The following SHROOM2 variants were observed in gnomAD, a reference collection of about 807,000 sequenced individuals.
The protein encoded by SHROOM2 is shroom family member 2.
A neutral mutation model predicts 75.9 loss-of-function variants in SHROOM2; 33 were observed. The observed-to-expected ratio is 0.43, with a 90% confidence interval of 0.33 to 0.58. The LOEUF (loss-of-function observed/expected upper bound fraction) is 0.58, where lower values mean the gene tolerates loss of function less well. SHROOM2 is among the 20% of genes least tolerant of loss of function. SHROOM2 has a pLI of 0.04. For synonymous variants in SHROOM2, 655 were observed against 663.6 expected, an observed-to-expected ratio of 0.99 and a Z score of 0.20; for missense variants, 1,434 against 1,461.2, an observed-to-expected ratio of 0.98 and a Z score of 0.30.
chrX:9,872,294 G>A (rs1013062199), intron 1 of SHROOM2, among the ~76,000 whole-genome samples: 7 of 113,123 alleles, frequency 6.2e-5, no homozygotes, highest in Non-Finnish European at 1.3e-4. Flanking sequence ...GCCGCGCACG[G>A]TGGCTCACGC....
At chrX:9,839,261 G>GA (rs2083966973) in intron 1 of SHROOM2, among the ~76,000 whole-genome samples, 1 of 110,952 alleles carries the variant, frequency 9.0e-6, no homozygotes, top group Non-Finnish European at 1.9e-5. Flanking sequence ...TCATAGCAAC[G>GA]AGGCAGCAGG....
chrX:9,803,981 G>T, intron 1 of SHROOM2, among the ~76,000 whole-genome samples: 1 of 111,423 alleles, frequency 9.0e-6, no homozygotes. Context: ...CATTTTAACG[G>T]TCCTAATCTG....
chrX:9,918,910 A>G (rs1490483898), intron 5 of SHROOM2, among the ~76,000 whole-genome samples: 1 of 111,551 alleles, frequency 9.0e-6, no homozygotes, highest in Non-Finnish European at 1.9e-5. Context: ...CAACTTATGG[A>G]TTTGGGAGGC....
At chrX:9,835,921 G>T (rs997342899) in intron 1 of SHROOM2, among the ~76,000 whole-genome samples, 5 of 111,966 alleles carry the variant, frequency 4.5e-5, no homozygotes, top group African/African-American at 1.6e-4. Context: ...GAACACAGAG[G>T]TTCCCTGAAG....
At chrX:9,946,425 G>A (rs1416793402) in intron 9 of SHROOM2, among the ~76,000 whole-genome samples, 1 of 112,859 alleles carries the variant, frequency 8.9e-6, no homozygotes, top group Non-Finnish European at 1.9e-5. Context: ...GACAGCAAGA[G>A]GAAACCCAGA....
intron 2 of SHROOM2, among the ~76,000 whole-genome samples, chrX:9,876,434 G>A (rs1052787194): frequency 5.4e-5 from 6 of 111,936 alleles, no homozygotes; most frequent in Admixed American, 3.8e-4. Flanking sequence ...GCCAGAACAC[G>A]TATTCTTCTC....
chrX:9,895,543 C>T lies in SHROOM2; in HGVS notation c.1635C>T (p.Cys545=), dbSNP rs1251474702. ...CGCTGGACAAAGGGGCCGAGGGCTG[C>T]TCCGCGGGAGCCCAGGAGCCTCCCA... ...CYPLDKGAEG[C]SAGAQEPPRA... The change falls in exon 4 of 10, where the codon TGC becomes TGT. Residue 545 remains cysteine (C), a synonymous_variant. Coordinates refer to ENST00000380913, the MANE Select transcript of SHROOM2 (RefSeq NM_001649.4). 8.4e-7 allele frequency: 1 copy of T among 1,183,953 alleles called. No homozygotes were observed.
chrX:9,814,895 G>C lies in SHROOM2; in HGVS notation c.165+28185G>C, dbSNP rs553393477. Among the ~76,000 whole-genome samples, 65 of 111,572 alleles carry C rather than the reference G, an allele frequency of 5.8e-4. No individual in the cohort carries two copies. In the South Asian group the frequency reaches 0.02, roughly 34 times the overall value. On this transcript the variant is annotated intron_variant, in intron 1 of 9. Coordinates refer to ENST00000380913, the MANE Select transcript of SHROOM2 (RefSeq NM_001649.4). The stretch of plus-strand genomic sequence containing the variant: ...TGCATGCATCTTTCATTGAAGGTCA[G>C]CCCCTCGCATGATAAGAGCATGTGT...
intron 1 of SHROOM2, among the ~76,000 whole-genome samples, chrX:9,864,832 AAAT>A (rs2084125888): frequency 1.9e-5 from 2 of 107,711 alleles, no homozygotes; most frequent in African/African-American, 6.7e-5. Context: ...CTCAAAAAAT[AAAT>A]AAATAAATAA....
chrX:9,895,370 G>A lies in SHROOM2; in HGVS notation c.1462G>A (p.Ala488Thr). The A allele has an allele frequency of 8.4e-7, 1 of 1,193,342 alleles. No homozygotes were observed. Among genetic ancestry groups the A allele is most frequent in the Non-Finnish European group, 1.1e-6 (1 of 886,757 alleles). Residue 488 changes from alanine to threonine, a missense_variant, in exon 4 of 10, where the codon GCA (alanine) becomes ACA (threonine). Physicochemically the swap from Ala to Thr is moderately conservative, Grantham distance 58. This residue lies in a region of SHROOM2 where 1,340 missense variants were observed against 1,338.3 expected (regional missense o/e 1.00). Coordinates refer to ENST00000380913, the MANE Select transcript of SHROOM2 (RefSeq NM_001649.4). ...CTGTGTGCAGGGAGACCTGCAAGCA[G>A]CACAGCTCTGGGCGGGATGCTGGCC... is the stretch of plus-strand genomic sequence containing the variant. ...RPCVQGDLQA[A>T]QLWAGCWPSD...
At chrX:9,932,104 C>A in intron 5 of SHROOM2, 71 bp from the exon 6 acceptor site, 1 of 974,892 alleles carries the variant, frequency 1.0e-6, no homozygotes, top group Non-Finnish European at 1.4e-6. Flanking sequence ...TGTGAAGATC[C>A]AGGTCCAGTC....
chrX:9,797,933 TGTC>T (rs1423964225), intron 1 of SHROOM2, among the ~76,000 whole-genome samples: 15 of 112,219 alleles, frequency 1.3e-4, no homozygotes, highest in Non-Finnish European at 1.9e-5. Flanking sequence ...GGCTACACAT[TGTC>T]ATCATTAACA....
At chrX:9,799,495 C>T (rs1194459558) in intron 1 of SHROOM2, among the ~76,000 whole-genome samples, 1 of 110,994 alleles carries the variant, frequency 9.0e-6, no homozygotes, top group Non-Finnish European at 1.9e-5. Flanking sequence ...TCTTAAATTA[C>T]CCATTAATTA....
At position 9,922,483 on chromosome X, in the gene SHROOM2, G is replaced by A. The variant is rs144521905; in HGVS notation, c.2892-9692G>A. On this transcript the variant is annotated intron_variant, in intron 5 of 9. Coordinates refer to ENST00000380913, the MANE Select transcript of SHROOM2 (RefSeq NM_001649.4). ...CTGATGTGTGACCCTAGTGAGTGTT[G>A]CCTCTTCTTGAGCTTCATGTAAACT... Among the ~76,000 whole-genome samples, 602 of 110,572 alleles carry A rather than the reference G, an allele frequency of 5.4e-3. 5 individuals carry two copies. The highest frequency in any genetic ancestry group is 0.019 in the African/African-American group (571 of 29,900).
At chrX:9,937,893 G>GA (rs2084731069) in intron 7 of SHROOM2, among the ~76,000 whole-genome samples, 1 of 112,356 alleles carries the variant, frequency 8.9e-6, no homozygotes, top group Admixed American at 9.4e-5. Context: ...GGCCTGACAT[G>GA]AAAATACACA....
chrX:9,822,210 T>C (rs1365149646), intron 1 of SHROOM2, among the ~76,000 whole-genome samples: 2 of 110,314 alleles, frequency 1.8e-5, no homozygotes, highest in South Asian at 3.8e-4. Context: ...TGAACCCCGA[T>C]TGAGGGAGAA....
chrX:9,920,131 T>TTCACTA (rs2084531816), intron 5 of SHROOM2, among the ~76,000 whole-genome samples: 2 of 110,526 alleles, frequency 1.8e-5, no homozygotes, highest in African/African-American at 6.6e-5. Flanking sequence ...ACATCTCAAC[T>TTCACTA]CGCTACAACT....
chrX:9,921,628 C>G (rs2084546199), intron 5 of SHROOM2, among the ~76,000 whole-genome samples: 1 of 111,846 alleles, frequency 8.9e-6, no homozygotes, highest in African/African-American at 3.2e-5. Flanking sequence ...TTCCCCTTCC[C>G]CCATCCCCTA....
chrX:9,919,804 T>C (rs1247915114), intron 5 of SHROOM2, among the ~76,000 whole-genome samples: 1 of 111,129 alleles, frequency 9.0e-6, no homozygotes, highest in Non-Finnish European at 1.9e-5. Flanking sequence ...CATCAGACAG[T>C]ACATCTTAAC....
Sources: allele counts gnomAD v4.1 joint callset (sites outside exome capture counted in the v4.1 genomes callset), GRCh38; gene constraint gnomAD v4.1.1; regional missense constraint gnomAD v4.1.1; transcripts MANE v1.5; gene names NCBI Gene and HGNC (gene_info 2026-07-23, HGNC 2026-07-21).